The following CDC42SE2 variants were observed in gnomAD, a reference collection of about 807,000 sequenced individuals.
The protein encoded by CDC42SE2 is CDC42 small effector 2, also known as CDC42 small effector protein 2.
In CDC42SE2, 3 loss-of-function variants were observed where a neutral mutation model predicts 11.5. That is an observed-to-expected ratio of 0.26 (90% CI 0.12 to 0.67). The LOEUF is 0.67. Ranked by LOEUF, CDC42SE2 falls within the 30% of genes least tolerant of loss-of-function variation. CDC42SE2 has a pLI of 0.80. For synonymous variants in CDC42SE2, 33 were observed against 34.8 expected, an observed-to-expected ratio of 0.95 and a Z score of 0.18; for missense variants, 82 against 106.8, an observed-to-expected ratio of 0.77 and a Z score of 1.02.
chr5:131,347,023 T>G (rs965656750), intron 2 of CDC42SE2, among the ~76,000 whole-genome samples: 1 of 152,068 alleles, frequency 6.6e-6, no homozygotes, highest in Non-Finnish European at 1.5e-5. Flanking sequence ...TTTATAGCAC[T>G]AAATGCCCAC....
At chr5:131,285,979 G>T (rs1348965973) in intron 1 of CDC42SE2, among the ~76,000 whole-genome samples, 1 of 151,894 alleles carries the variant, frequency 6.6e-6, no homozygotes, top group Admixed American at 6.6e-5. Flanking sequence ...CTCATAAGAG[G>T]CTGTCTAACT....
chr5:131,379,887 T>C (rs1432997218), intron 3 of CDC42SE2, among the ~76,000 whole-genome samples: 1 of 152,152 alleles, frequency 6.6e-6, no homozygotes, highest in Non-Finnish European at 1.5e-5. Context: ...GGTCTGACTC[T>C]GGAATTCCCC....
At chr5:131,259,219 G>A (rs1756703914), upstream of CDC42SE2, among the ~76,000 whole-genome samples, 1 of 152,046 alleles carries the variant, frequency 6.6e-6, no homozygotes, top group Non-Finnish European at 1.5e-5. Flanking sequence ...ATGCTTGCCT[G>A]TACCTTATAA....
chr5:131,279,580 C>A (rs191294082), intron 1 of CDC42SE2, among the ~76,000 whole-genome samples: 2 of 151,744 alleles, frequency 1.3e-5, no homozygotes, highest in Non-Finnish European at 2.9e-5. Flanking sequence ...CTTTCTTCTA[C>A]TCTGTGATTT....
chr5:131,339,379 G>A (rs1030501400), intron 2 of CDC42SE2, among the ~76,000 whole-genome samples: 14 of 151,362 alleles, frequency 9.2e-5, no homozygotes, highest in African/African-American at 3.2e-4. Context: ...CAGACAAAAA[G>A]GGTAATTAGA....
chr5:131,342,299 A>G lies in CDC42SE2; in HGVS notation c.-285-16910A>G, dbSNP rs571262540. Among the ~76,000 whole-genome samples, 12 of 150,778 alleles carry G rather than the reference A, an allele frequency of 8.0e-5. 1 individual carries two copies. In the East Asian group the frequency reaches 2.3e-3, roughly 29 times the overall value. ...TTCTCAAAAAAAAAAAAAAAAGGTA[A>G]ATACCAGAAGAAGCAGCTTGGTAAG... is the stretch of plus-strand genomic sequence containing the variant. On this transcript the variant is annotated intron_variant, in intron 2 of 4. Coordinates refer to ENST00000505065, the MANE Select transcript of CDC42SE2 (RefSeq NM_001375635.1).
intron 1 of CDC42SE2, among the ~76,000 whole-genome samples, chr5:131,304,622 AATTAACAATGTTGAAATCCACCAC>A (rs1232422723): frequency 6.6e-6 from 1 of 152,248 alleles, no homozygotes; most frequent in African/African-American, 2.4e-5. Context: ...ACTATAATTG[AATTAACAATGTTGAAATCCACCAC>A]ATTTCCTTTT....
At chr5:131,340,781 G>A (rs907939883) in intron 2 of CDC42SE2, among the ~76,000 whole-genome samples, 25 of 151,812 alleles carry the variant, frequency 1.6e-4, no homozygotes, top group South Asian at 4.2e-4. Context: ...AGGTGCAAGC[G>A]ATTCTTGTGC....
chr5:131,351,913 A>G (rs1364160747), intron 2 of CDC42SE2, among the ~76,000 whole-genome samples: 1 of 152,210 alleles, frequency 6.6e-6, no homozygotes, highest in Non-Finnish European at 1.5e-5. Context: ...CTATGCATAT[A>G]TTGGAGAAAG....
intron 2 of CDC42SE2, among the ~76,000 whole-genome samples, chr5:131,357,624 G>A (rs1274766994): frequency 6.6e-6 from 1 of 152,178 alleles, no homozygotes; most frequent in South Asian, 2.1e-4. Flanking sequence ...TTTATATTTC[G>A]CCATTTGGGA....
At chr5:131,305,338 A>G (rs1188622953) in intron 1 of CDC42SE2, among the ~76,000 whole-genome samples, 2 of 152,254 alleles carry the variant, frequency 1.3e-5, no homozygotes, top group Non-Finnish European at 2.9e-5. Context: ...AGAATGGTAC[A>G]TGAATTGGGC....
At chr5:131,332,764 T>G (rs1029693812) in intron 2 of CDC42SE2, among the ~76,000 whole-genome samples, 1 of 152,244 alleles carries the variant, frequency 6.6e-6, no homozygotes, top group Non-Finnish European at 1.5e-5. Context: ...CATAAATGTC[T>G]TCTTTTGAAA....
chr5:131,354,017 A>G (rs1367930380), intron 2 of CDC42SE2, among the ~76,000 whole-genome samples: 4 of 152,176 alleles, frequency 2.6e-5, no homozygotes, highest in African/African-American at 9.7e-5. Context: ...AGGCAGGCAG[A>G]TTACTTGAGC....
At chr5:131,273,049 G>A (rs1174705534) in intron 1 of CDC42SE2, among the ~76,000 whole-genome samples, 2 of 151,836 alleles carry the variant, frequency 1.3e-5, no homozygotes, top group African/African-American at 4.8e-5. Context: ...GTGTTTCAGG[G>A]ACATATGTTT....
In CDC42SE2 at chr5:131,389,810, C is replaced by T. The variant is rs928822128; in HGVS notation, c.157-1183C>T. ...GAGCTGATTCCATGAAATAAATACT[C>T]GACCACATTGCTAGTGCTCTCTCTC... On this transcript the variant is annotated intron_variant, in intron 4 of 4. Transcript: ENST00000505065. 5.3e-5 allele frequency among the ~76,000 whole-genome samples: 8 copies of T among 152,216 alleles called. No homozygotes were observed. The East Asian group carries it at 9.7e-4, about 18-fold the overall frequency.
intron 2 of CDC42SE2, among the ~76,000 whole-genome samples, chr5:131,356,431 T>C (rs955966696): frequency 1.3e-5 from 2 of 152,140 alleles, no homozygotes; most frequent in Non-Finnish European, 2.9e-5. Flanking sequence ...AAACCTGTTC[T>C]AAAAAAAGGA....
intron 3 of CDC42SE2, among the ~76,000 whole-genome samples, chr5:131,364,525 G>C (rs758308200): frequency 6.6e-6 from 1 of 152,158 alleles, no homozygotes; most frequent in Admixed American, 6.5e-5. Flanking sequence ...TGTGAAATAG[G>C]AAATCATTGA....
the CDC42SE2 span, among the ~76,000 whole-genome samples, chr5:131,215,858 T>C: frequency 6.6e-6 from 1 of 152,262 alleles, no homozygotes; most frequent in Non-Finnish European, 1.5e-5. Context: ...AATTACTTTC[T>C]CACTGCTCTT....
chr5:131,226,864 G>A, the CDC42SE2 span, among the ~76,000 whole-genome samples: 2 of 152,130 alleles, frequency 1.3e-5, no homozygotes, highest in African/African-American at 2.4e-5. Context: ...CCAAATGAAA[G>A]CTACCACAAC....
Sources: gnomAD v4.1 joint callset for allele counts (sites outside exome capture counted in the v4.1 genomes callset) on GRCh38, gnomAD v4.1.1 for gene constraint, MANE v1.5 for transcripts, NCBI Gene and HGNC (gene_info 2026-07-23, HGNC 2026-07-21) for gene names.